INVS: variants seen among roughly 807,000 people sequenced by gnomAD.
INVS encodes the protein inversion of embryo turning homolog.
A neutral mutation model predicts 108.8 loss-of-function variants in INVS; 86 were observed. That is an observed-to-expected ratio of 0.79 (90% CI 0.66 to 0.95). INVS has a LOEUF of 0.95. INVS is among the 40% of genes least tolerant of loss of function. The pLI, the probability that INVS is intolerant of heterozygous loss-of-function variation, is 0.00. For synonymous variants in INVS, 455 were observed against 473.5 expected, an observed-to-expected ratio of 0.96 and a Z score of 0.51; for missense variants, 1,169 against 1,297.4, an observed-to-expected ratio of 0.90 and a Z score of 1.52.
At chr9:100,207,465 G>T (rs1830708429) in intron 3 of INVS, among the ~76,000 whole-genome samples, 1 of 151,672 alleles carries the variant, frequency 6.6e-6, no homozygotes, top group African/African-American at 2.4e-5. Context: ...GCTAATTTTT[G>T]TTTTTTTAGT....
chr9:100,179,252 A>G (rs1191875061), intron 3 of INVS, among the ~76,000 whole-genome samples: 3 of 152,230 alleles, frequency 2.0e-5, no homozygotes, highest in South Asian at 2.1e-4. Context: ...ATAACCAGGT[A>G]GCATCACAAT....
chr9:100,297,847 A>T, intron 15 of INVS, 89 bp from the exon 16 acceptor site: 1 of 1,328,332 alleles, frequency 7.5e-7, no homozygotes, highest in Non-Finnish European at 1.1e-6. Flanking sequence ...CTGCAAGCTC[A>T]AGCCTTTACC....
At chr9:100,258,641 G>A (rs191085586) in intron 10 of INVS, among the ~76,000 whole-genome samples, 12 of 152,292 alleles carry the variant, frequency 7.9e-5, no homozygotes, top group Admixed American at 6.5e-4. Context: ...CTAACAGTCA[G>A]GACCCTTAGC....
chr9:100,275,147 A>C (rs1246229644), intron 12 of INVS, among the ~76,000 whole-genome samples: 1 of 152,148 alleles, frequency 6.6e-6, no homozygotes, highest in Non-Finnish European at 1.5e-5. Context: ...CAAAGAATCC[A>C]GTATCAACAT....
At chr9:100,158,576 A>C (rs1170443777) in intron 3 of INVS, among the ~76,000 whole-genome samples, 1 of 152,196 alleles carries the variant, frequency 6.6e-6, no homozygotes, top group East Asian at 1.9e-4. Flanking sequence ...CAAACTTCTT[A>C]CTTAGCTCAG....
Position 100,272,354 on chromosome 9 carries a change from A to G in INVS, c.1572-510A>G, listed in dbSNP as rs1832984433. On this transcript the variant is annotated intron_variant, in intron 11 of 16. Coordinates refer to ENST00000262457, the MANE Select transcript of INVS (RefSeq NM_014425.5). ...ATCTCTTTTTTTTCCCCAGATGGCT[A>G]CCTGGTTGTCCCATCACTATTTATT... Among the ~76,000 whole-genome samples the G allele has an allele frequency of 5.3e-5, 8 of 152,106 alleles. No individual in the cohort carries two copies. The South Asian group carries it at 1.7e-3, about 31-fold the overall frequency.
intron 11 of INVS, among the ~76,000 whole-genome samples, chr9:100,266,210 TTACAGGAAA>T (rs1832788877): frequency 6.6e-6 from 1 of 152,146 alleles, no homozygotes; most frequent in Non-Finnish European, 1.5e-5. Flanking sequence ...TGAGGTCCTG[TTACAGGAAA>T]GGGGTCCCGA....
chr9:100,133,327 A>AT (rs1335352271), intron 3 of INVS, among the ~76,000 whole-genome samples: 1 of 150,626 alleles, frequency 6.6e-6, no homozygotes, highest in Non-Finnish European at 1.5e-5. Flanking sequence ...ATATGTTTCT[A>AT]CCTTTACTTT....
chr9:100,195,962 G>A (rs73491407), intron 3 of INVS, among the ~76,000 whole-genome samples: 2,443 of 152,196 alleles, frequency 0.016, 62 homozygotes, highest in African/African-American at 0.056. Flanking sequence ...TCTTTGTCAG[G>A]TTTTCCTATC....
At chr9:100,194,652 A>T (rs557925273) in intron 3 of INVS, among the ~76,000 whole-genome samples, 2 of 152,190 alleles carry the variant, frequency 1.3e-5, no homozygotes, top group East Asian at 3.9e-4. Context: ...CTTATTTCTG[A>T]TCTTAGGAAG....
At position 100,292,413 on chromosome 9, in the gene INVS, T is replaced by C. The variant is rs1379171622; in HGVS notation, c.2156T>C (p.Val719Ala). ...EGSDGSRHPGVPSVEKSRGET... is the reference protein window; with the variant it reads ...EGSDGSRHPGAPSVEKSRGET... ...AGTGATGGAAGCAGGCATCCAGGAG[T>C]TCCCTCTGTTGAGAAGTCCAGAGGT... The change falls in exon 14 of 17, where the codon GTT (valine) becomes GCT (alanine). Residue 719 changes from valine to alanine, a missense_variant. Transcript: ENST00000262457. The C allele has an allele frequency of 3.7e-6, 6 of 1,613,800 alleles. No homozygotes were observed. The Admixed American group carries it at 1.0e-4, about 27-fold the overall frequency.
At chr9:100,290,474 G>A (rs964398717) in intron 13 of INVS, among the ~76,000 whole-genome samples, 5 of 151,618 alleles carry the variant, frequency 3.3e-5, no homozygotes, top group South Asian at 2.1e-4. Context: ...CTCAGCCTCC[G>A]GAGTAGCTGG....
chr9:100,213,274 G>C (rs1047491839), intron 3 of INVS, among the ~76,000 whole-genome samples: 3 of 151,658 alleles, frequency 2.0e-5, no homozygotes, highest in African/African-American at 7.3e-5. Context: ...TCAACTTTAG[G>C]CTCCTTATCA....
chr9:100,177,990 C>G (rs946277994), intron 3 of INVS, among the ~76,000 whole-genome samples: 1 of 152,222 alleles, frequency 6.6e-6, no homozygotes, highest in Non-Finnish European at 1.5e-5. Flanking sequence ...CAAACAGGGT[C>G]TGGAGTGGAC....
intron 8 of INVS, among the ~76,000 whole-genome samples, chr9:100,250,961 G>A (rs185801722): frequency 1.3e-5 from 2 of 151,898 alleles, no homozygotes; most frequent in African/African-American, 2.4e-5. Flanking sequence ...ATACACAGTC[G>A]TTCCTGTCCT....
intron 1 of INVS, among the ~76,000 whole-genome samples, chr9:100,099,765 CT>C: frequency 6.6e-6 from 1 of 152,282 alleles, no homozygotes; most frequent in South Asian, 2.1e-4. Context: ...ACGAAATTCC[CT>C]AGCAAAGCAG....
intron 2 of INVS, among the ~76,000 whole-genome samples, chr9:100,104,831 G>A (rs931622720): frequency 6.6e-6 from 1 of 152,176 alleles, no homozygotes; most frequent in Non-Finnish European, 1.5e-5. Flanking sequence ...AAAAGTACTT[G>A]AGAAATTTCT....
At chr9:100,176,879 ATTGG>A (rs1207884153) in intron 3 of INVS, among the ~76,000 whole-genome samples, 1 of 151,992 alleles carries the variant, frequency 6.6e-6, no homozygotes, top group Non-Finnish European at 1.5e-5. Flanking sequence ...ATAGCCCCTA[ATTGG>A]TTGGTTATGC....
chr9:100,265,321 A>T (rs947476785), intron 11 of INVS, among the ~76,000 whole-genome samples: 1 of 152,150 alleles, frequency 6.6e-6, no homozygotes, highest in African/African-American at 2.4e-5. Flanking sequence ...TCAAGGTTAG[A>T]TATTGTTCAG....
Sources: gnomAD v4.1 joint callset for allele counts (sites outside exome capture counted in the v4.1 genomes callset) on GRCh38, gnomAD v4.1.1 for gene constraint, MANE v1.5 for transcripts, NCBI Gene and HGNC (gene_info 2026-07-23, HGNC 2026-07-21) for gene names.